The following MTREX variants were observed in gnomAD, a reference collection of about 807,000 sequenced individuals.
The protein encoded by MTREX is exosome RNA helicase MTR4.
A neutral mutation model predicts 135.4 loss-of-function variants in MTREX; 76 were observed. The ratio of observed to expected loss-of-function variants is 0.56; its 90% CI spans 0.47 to 0.68. The LOEUF (loss-of-function observed/expected upper bound fraction) is 0.68. Among genes scored for constraint, MTREX ranks in the 30% least tolerant of loss-of-function variants. The probability of loss-of-function intolerance (pLI) is 0.00; values close to 1 mark genes in which losing one functional copy is unlikely to be tolerated. For synonymous variants in MTREX, 404 were observed against 401.6 expected, an observed-to-expected ratio of 1.01 and a Z score of -0.07; for missense variants, 920 against 1,262.1, an observed-to-expected ratio of 0.73 and a Z score of 4.11.
At chr5:55,397,371 C>T (rs1750661418) in intron 19 of MTREX, 45 bp from the exon 20 acceptor site, 1 of 1,239,750 alleles carries the variant, frequency 8.1e-7, no homozygotes, top group African/African-American at 1.5e-5. Context: ...AGAATATGAA[C>T]ATGTGCAAAT....
At chr5:55,389,992 G>A (rs1296339343) in intron 19 of MTREX, among the ~76,000 whole-genome samples, 1 of 152,146 alleles carries the variant, frequency 6.6e-6, no homozygotes, top group Non-Finnish European at 1.5e-5. Context: ...TTAAAAGCAG[G>A]CTTCCATTGC....
At chr5:55,340,289 T>C in intron 6 of MTREX, 105 bp downstream of exon 6, 2 of 731,216 alleles carry the variant, frequency 2.7e-6, no homozygotes, top group Non-Finnish European at 4.0e-6. Context: ...TTAGGTAAAG[T>C]ATAGTACTTT....
intron 1 of MTREX, among the ~76,000 whole-genome samples, chr5:55,308,606 A>G (rs1443052182): frequency 6.6e-6 from 1 of 152,188 alleles, no homozygotes; most frequent in Admixed American, 6.5e-5. Context: ...CGTAAAATGG[A>G]GATAATAGTG....
chr5:55,423,385 T>G (rs1040110511), intron 26 of MTREX: 3 of 169,168 alleles, frequency 1.8e-5, no homozygotes, highest in African/African-American at 7.2e-5. Flanking sequence ...ATGGATATGA[T>G]GGTCTAGGGC....
chr5:55,322,268 G>T, intron 1 of MTREX, 59 bp from the exon 2 acceptor site: 1 of 1,446,444 alleles, frequency 6.9e-7, no homozygotes, highest in Non-Finnish European at 9.3e-7. Context: ...ATTTTATGAT[G>T]TTGCCCTTAA....
intron 3 of MTREX, 186 bp from the exon 4 acceptor site, chr5:55,327,530 G>A (rs1749402553): frequency 2.8e-5 from 15 of 542,632 alleles, no homozygotes; most frequent in South Asian, 2.2e-4. Context: ...ATTTCTGAGT[G>A]TTGAAACTAG....
At position 55,364,877 on chromosome 5, in the gene MTREX, G is replaced by A. The variant is rs541307689; in HGVS notation, c.1660-1848G>A. ...TCAATATATGTGAAAGAGAAAGTTGGTCAGAAATGAGGAAGAGCAAGAGAG... is the reference window on the plus strand; with the variant it reads ...TCAATATATGTGAAAGAGAAAGTTGATCAGAAATGAGGAAGAGCAAGAGAG... On this transcript the variant is annotated intron_variant, in intron 15 of 26. Transcript: ENST00000230640. Among the ~76,000 whole-genome samples the A allele has an allele frequency of 1.3e-3, 198 of 152,320 alleles. 1 individual carries two copies. The highest frequency in any genetic ancestry group is 0.01 in the Middle Eastern group (3 of 294).
intron 25 of MTREX, among the ~76,000 whole-genome samples, chr5:55,418,794 T>C (rs1751011323): frequency 6.6e-6 from 1 of 152,156 alleles, no homozygotes; most frequent in Admixed American, 6.6e-5. Context: ...TGTTACATAG[T>C]GCTTCCATTT....
At chr5:55,376,843 G>A (rs1373640381) in intron 16 of MTREX, among the ~76,000 whole-genome samples, 1 of 152,174 alleles carries the variant, frequency 6.6e-6, no homozygotes, top group African/African-American at 2.4e-5. Flanking sequence ...GCCAAGGCAG[G>A]TGGATCACTT....
rs192617234 is a variant in MTREX at position 55,422,865 on chromosome 5, C to T, written c.2972-13C>T. 202 of 1,603,018 alleles carry T rather than the reference C, an allele frequency of 1.3e-4. No homozygotes were observed. In the African/African-American group the frequency reaches 2.6e-3, roughly 21 times the overall value. ...TTTCCATTTTACCAGTGTTTTGTTCCTTTTCTATCCAGGCAGCATAATTCG... is the reference window on the plus strand; with the variant it reads ...TTTCCATTTTACCAGTGTTTTGTTCTTTTTCTATCCAGGCAGCATAATTCG... On this transcript the variant is annotated splice_polypyrimidine_tract_variant and intron_variant, in intron 25 of 26. Coordinates refer to ENST00000230640, the MANE Select transcript of MTREX (RefSeq NM_015360.5).
At chr5:55,397,177 T>C (rs977010838) in intron 19 of MTREX, among the ~76,000 whole-genome samples, 1 of 152,224 alleles carries the variant, frequency 6.6e-6, no homozygotes, top group Non-Finnish European at 1.5e-5. Context: ...GCTCTTATTT[T>C]TATGTACCAT....
rs150593504 is a variant in MTREX, at chr5:55,397,033, T to C, written c.2182-383T>C. Among the ~76,000 whole-genome samples, 57 of 152,344 alleles carry C rather than the reference T, an allele frequency of 3.7e-4. No individual in the cohort carries two copies. In the East Asian group the frequency reaches 0.011, roughly 28 times the overall value. On this transcript the variant is annotated intron_variant, in intron 19 of 26. Coordinates refer to ENST00000230640, the MANE Select transcript of MTREX (RefSeq NM_015360.5). ...CCCATCCAGAACTTACATGAATCTT[T>C]CTTGACTTCCTAAACCTGTTAACAA...
rs755154979 is a variant in MTREX at position 55,308,082 on chromosome 5, C to T, written c.69C>T (p.Thr23=). ...FEGDSTTAAG[T]KKDKEKDKGK... ...GCGACTCGACCACTGCGGCGGGAAC[C>T]AAAAAAGACAAGGAAAAGGACAAGG... Residue 23 remains threonine, a synonymous_variant, in exon 1 of 27, where the codon ACC becomes ACT. Transcript: ENST00000230640. 4 of 1,612,794 alleles carry T rather than the reference C, an allele frequency of 2.5e-6. No individual in the cohort carries two copies. The East Asian group carries it at 6.7e-5, about 27-fold the overall frequency.
At chr5:55,349,923 A>G (rs1749800322) in intron 12 of MTREX, among the ~76,000 whole-genome samples, 1 of 152,226 alleles carries the variant, frequency 6.6e-6, no homozygotes. Context: ...TTTTAATGCT[A>G]GTTTTAAGTC....
In MTREX at chr5:55,371,763, T is replaced by C. The variant is rs376093862; in HGVS notation, c.1810+4888T>C. On this transcript the variant is annotated intron_variant, in intron 16 of 26. Transcript: ENST00000230640. ...ACATAAAACCAGTTTTTTTTTAACA[T>C]GAGAAAAGATTAGAGAAACTGATTT... 7.7e-3 allele frequency among the ~76,000 whole-genome samples: 1,172 copies of C among 152,226 alleles called. 9 individuals carry two copies. Among genetic ancestry groups the C allele is most frequent in the African/African-American group, 0.026 (1,081 of 41,556 alleles).
intron 16 of MTREX, among the ~76,000 whole-genome samples, chr5:55,369,046 T>C (rs537836300): frequency 6.6e-6 from 1 of 152,108 alleles, no homozygotes; most frequent in African/African-American, 2.4e-5. Context: ...ATGATTCTAG[T>C]CTCAGAGAAG....
intron 18 of MTREX, among the ~76,000 whole-genome samples, chr5:55,380,913 A>G (rs1377151073): frequency 6.6e-6 from 1 of 152,184 alleles, no homozygotes; most frequent in Non-Finnish European, 1.5e-5. Flanking sequence ...TCTTCATCAC[A>G]TTCAAAACTT....
Position 55,322,462 on chromosome 5 carries a change from A to C in MTREX, c.270A>C (p.Leu90Phe), listed in dbSNP as rs2112031649. The C allele has an allele frequency of 6.4e-7, 1 of 1,573,370 alleles. No homozygotes were observed. The highest frequency in any genetic ancestry group is 2.3e-5 in the East Asian group (1 of 43,664). ...PRIEESITED[L>F]SLADLMPRVK... ...TAGAAGAGTCAATAACTGAAGACTT[A>C]AGGTAATATTTCCAAAGTCCTAAAT... The change falls in exon 2 of 27, where the codon TTA becomes TTC. Residue 90 changes from leucine (L) to phenylalanine (F), a missense_variant and splice_region_variant. Physicochemically the swap from Leu to Phe is conservative, Grantham distance 22. Transcript: ENST00000230640.
chr5:55,349,202 T>TTC (rs895045862), intron 11 of MTREX, among the ~76,000 whole-genome samples: 2 of 151,406 alleles, frequency 1.3e-5, no homozygotes, highest in African/African-American at 4.9e-5. Flanking sequence ...TTTTTTTTTT[T>TTC]CTGAGATGGG....
Sources: allele counts gnomAD v4.1 joint callset (sites outside exome capture counted in the v4.1 genomes callset), GRCh38; gene constraint gnomAD v4.1.1; transcripts MANE v1.5; gene names NCBI Gene and HGNC (gene_info 2026-07-23, HGNC 2026-07-21).